Variants in SCHIP1 observed in about 807,000 individuals in gnomAD.
The protein encoded by SCHIP1 is schwannomin-interacting protein 1.
Under a neutral mutation model 29.7 loss-of-function variants are expected in SCHIP1, and 8 were observed. The ratio of observed to expected loss-of-function variants is 0.27; its 90% confidence interval spans 0.16 to 0.49. The LOEUF is 0.49. Among genes scored for constraint, SCHIP1 ranks in the 20% least tolerant of loss-of-function variants. The probability of loss-of-function intolerance (pLI) is 0.99; values close to 1 mark genes in which losing one functional copy is unlikely to be tolerated. For synonymous variants in SCHIP1, 76 were observed against 94.9 expected (o/e 0.80, Z 1.16); for missense variants, 193 against 294.6 (o/e 0.66, Z 2.52).
the SCHIP1 span, among the ~76,000 whole-genome samples, chr3:159,738,099 A>C: frequency 2.0e-5 from 3 of 152,242 alleles, no homozygotes; most frequent in Non-Finnish European, 1.5e-5. Flanking sequence ...GTAATAAACT[A>C]TAAAGTGAAA....
At chr3:159,783,829 G>C in the SCHIP1 span, among the ~76,000 whole-genome samples, 1 of 152,214 alleles carries the variant, frequency 6.6e-6, no homozygotes, top group African/African-American at 2.4e-5. Flanking sequence ...TAGTAAAACA[G>C]AGGTCCCAGC....
the SCHIP1 span, among the ~76,000 whole-genome samples, chr3:159,602,012 T>C: frequency 6.6e-6 from 1 of 152,208 alleles, no homozygotes; most frequent in Non-Finnish European, 1.5e-5. Flanking sequence ...CAGAACAAGT[T>C]CCTTGTCTGG....
At chr3:159,786,224 A>G in the SCHIP1 span, among the ~76,000 whole-genome samples, 411 of 152,368 alleles carry the variant, frequency 2.7e-3, no homozygotes, top group Non-Finnish European at 5.2e-3. Flanking sequence ...AGAATGATTT[A>G]AACATAGGTC....
chr3:159,338,606 T>C, the SCHIP1 span, among the ~76,000 whole-genome samples: 1 of 152,076 alleles, frequency 6.6e-6, no homozygotes, highest in Non-Finnish European at 1.5e-5. Flanking sequence ...ATGCAGTGCA[T>C]AGACTTGGGG....
the SCHIP1 span, among the ~76,000 whole-genome samples, chr3:159,459,561 C>A: frequency 6.6e-6 from 1 of 150,604 alleles, no homozygotes; most frequent in Non-Finnish European, 1.5e-5. Flanking sequence ...TGCTATATAA[C>A]AAAAAAAAAT....
At chr3:159,477,158 G>A in the SCHIP1 span, among the ~76,000 whole-genome samples, 1 of 152,138 alleles carries the variant, frequency 6.6e-6, no homozygotes, top group Non-Finnish European at 1.5e-5. Context: ...GTTCCATAGT[G>A]TATATATTCC....
At chr3:159,567,079 A>G in the SCHIP1 span, among the ~76,000 whole-genome samples, 1 of 152,222 alleles carries the variant, frequency 6.6e-6, no homozygotes, top group African/African-American at 2.4e-5. Context: ...TTTCTATTGC[A>G]GTATTTGGGA....
At chr3:159,564,232 A>G in the SCHIP1 span, among the ~76,000 whole-genome samples, 24 of 152,196 alleles carry the variant, frequency 1.6e-4, no homozygotes, top group Non-Finnish European at 1.5e-5. Context: ...ATGCACACAC[A>G]GACAAGTGCA....
At chr3:159,458,552 G>A in the SCHIP1 span, among the ~76,000 whole-genome samples, 1 of 148,284 alleles carries the variant, frequency 6.7e-6, no homozygotes, top group Non-Finnish European at 1.5e-5. Context: ...CACAACAGAT[G>A]AACTGACTTT....
chr3:159,694,181 A>T, the SCHIP1 span, among the ~76,000 whole-genome samples: 1 of 152,152 alleles, frequency 6.6e-6, no homozygotes, highest in East Asian at 1.9e-4. Context: ...GTATACTAAA[A>T]TATTTTTGTA....
At chr3:159,423,890 T>C in the SCHIP1 span, among the ~76,000 whole-genome samples, 5 of 151,986 alleles carry the variant, frequency 3.3e-5, no homozygotes, top group African/African-American at 9.7e-5. Flanking sequence ...GACAGCAGCA[T>C]TCGTGGTTCA....
chr3:159,678,594 G>T, the SCHIP1 span, among the ~76,000 whole-genome samples: 2 of 152,256 alleles, frequency 1.3e-5, no homozygotes, highest in South Asian at 4.1e-4. Context: ...CTCAGTAAAA[G>T]AATGTAAACT....
exon 7 of SCHIP1, chr3:159,896,905 C>T (rs1718117602): frequency 4.5e-6 from 4 of 895,808 alleles, no homozygotes; most frequent in African/African-American, 1.7e-5. Context: ...GCTTAATGTC[C>T]AGTGATTGGC....
At chr3:159,453,721 T>A in the SCHIP1 span, among the ~76,000 whole-genome samples, 19 of 152,356 alleles carry the variant, frequency 1.2e-4, no homozygotes, top group Admixed American at 5.2e-4. Context: ...CACCTGGATT[T>A]CTGACCCAGA....
chr3:159,391,196 A>T, the SCHIP1 span, among the ~76,000 whole-genome samples: 1 of 152,322 alleles, frequency 6.6e-6, no homozygotes, highest in South Asian at 2.1e-4. Context: ...CCAACAAAAA[A>T]TCAGTTCTTA....
the SCHIP1 span, among the ~76,000 whole-genome samples, chr3:159,369,587 T>A: frequency 1.3e-5 from 2 of 152,172 alleles, no homozygotes; most frequent in Non-Finnish European, 2.9e-5. Context: ...AAGAAAGGAA[T>A]GCCATATAGC....
At chr3:159,636,712 G>A in the SCHIP1 span, among the ~76,000 whole-genome samples, 1 of 152,160 alleles carries the variant, frequency 6.6e-6, no homozygotes, top group African/African-American at 2.4e-5. Flanking sequence ...AGGGAAATTG[G>A]CATGAAATAA....
chr3:159,592,952 C>T, the SCHIP1 span, among the ~76,000 whole-genome samples: 39 of 152,214 alleles, frequency 2.6e-4, no homozygotes, highest in African/African-American at 8.7e-4. Context: ...TAACAGTTAT[C>T]GAGCATCTGT....
At chr3:159,498,477 T>C in the SCHIP1 span, among the ~76,000 whole-genome samples, 4 of 152,154 alleles carry the variant, frequency 2.6e-5, no homozygotes, top group African/African-American at 9.7e-5. Context: ...GGAATAGAAC[T>C]GGTAGTCTCT....
Sources: gnomAD v4.1 joint callset for allele counts (sites outside exome capture counted in the v4.1 genomes callset) on GRCh38, gnomAD v4.1.1 for gene constraint, MANE v1.5 for transcripts, NCBI Gene and HGNC (gene_info 2026-07-23, HGNC 2026-07-21) for gene names.